FBLN1: variants seen among roughly 807,000 people sequenced by gnomAD.
The protein encoded by FBLN1 is fibulin-1.
FBLN1 carries 34 observed loss-of-function variants against 89.7 expected under a neutral mutation model. The ratio of observed to expected loss-of-function variants is 0.38; its 90% CI spans 0.29 to 0.50. The LOEUF is 0.50. Ranked by LOEUF, FBLN1 falls within the 20% of genes least tolerant of loss-of-function variation. The pLI is 0.92. For synonymous variants in FBLN1, 393 were observed against 391.3 expected, an observed-to-expected ratio of 1.00 and a Z score of -0.05; for missense variants, 777 against 988.1, an observed-to-expected ratio of 0.79 and a Z score of 2.86.
In FBLN1 at chr22:45,600,288, C is replaced by A. The variant is rs1338396886; in HGVS notation, c.1973-19C>A. ...GCAGTCCCTTCTAACTTCCAGCACA[C>A]CTTCTGCTCTCTCCGCAGGTGTCGT... On this transcript the variant is annotated intron_variant, in intron 16 of 16. Coordinates refer to ENST00000327858, the MANE Select transcript of FBLN1 (RefSeq NM_006486.3). 3 of 1,614,102 alleles carry A rather than the reference C, an allele frequency of 1.9e-6. No homozygotes were observed. Among genetic ancestry groups the A allele is most frequent in the African/African-American group, 2.7e-5 (2 of 74,948 alleles).
chr22:45,509,221 G>A (rs2088065986), intron 1 of FBLN1, among the ~76,000 whole-genome samples: 1 of 152,194 alleles, frequency 6.6e-6, no homozygotes. Flanking sequence ...AGGGTGGGAT[G>A]TTGCAGAAGG....
At chr22:45,533,654 G>C in intron 6 of FBLN1, 107 bp from the exon 7 acceptor site, 1 of 1,325,560 alleles carries the variant, frequency 7.5e-7, no homozygotes, top group Non-Finnish European at 1.1e-6. Flanking sequence ...CAGTTTGCGA[G>C]GGTGCAGGGA....
At chr22:45,552,395 C>A (rs891047919) in intron 14 of FBLN1, among the ~76,000 whole-genome samples, 6 of 152,204 alleles carry the variant, frequency 3.9e-5, no homozygotes, top group Non-Finnish European at 7.3e-5. Context: ...GGGCGCCTGG[C>A]TTGTTCCAGC....
rs958319131 is a variant in FBLN1, at chr22:45,590,312, C to A, written c.1973-9995C>A. Among the ~76,000 whole-genome samples the A allele has an allele frequency of 1.3e-5, 2 of 152,226 alleles. No individual in the cohort carries two copies. The highest frequency in any genetic ancestry group is 4.8e-5 in the African/African-American group (2 of 41,456). ...CGGAAGGCAGAGGGCAGGACTTGGCCCCTCTGGTGTGCCCACGTCTTTGAG... is the reference window on the plus strand; with the variant it reads ...CGGAAGGCAGAGGGCAGGACTTGGCACCTCTGGTGTGCCCACGTCTTTGAG... On this transcript the variant is annotated intron_variant, in intron 16 of 16. Coordinates refer to ENST00000327858, the MANE Select transcript of FBLN1 (RefSeq NM_006486.3). This position sits in a 1 kb window ranked among gnomAD's most constrained non-coding sequence, Gnocchi z 4.1.
chr22:45,574,471 C>T lies in FBLN1; in HGVS notation c.1698-40C>T, dbSNP rs2088976377. The T allele has an allele frequency of 1.2e-6, 2 of 1,613,556 alleles. No individual in the cohort carries two copies. The highest frequency in any genetic ancestry group is 8.5e-7 in the Non-Finnish European group (1 of 1,179,842). On this transcript the variant is annotated intron_variant, in intron 14 of 16. Coordinates refer to ENST00000327858, the MANE Select transcript of FBLN1 (RefSeq NM_006486.3). The surrounding 1 kb of genome is among the most constrained non-coding windows in gnomAD (Gnocchi z 4.1). Reference sequence around the variant, plus strand: ...TCGGCCCCTGTGGGAGCTGCTGTCCCAGCTTCCCCGTCAGCCTCGTGTGCT... The same window carrying T: ...TCGGCCCCTGTGGGAGCTGCTGTCCTAGCTTCCCCGTCAGCCTCGTGTGCT...
chr22:45,508,162 C>G (rs979898305), intron 1 of FBLN1, among the ~76,000 whole-genome samples: 3 of 152,068 alleles, frequency 2.0e-5, no homozygotes, highest in Non-Finnish European at 4.4e-5. Flanking sequence ...ACATGGAGGC[C>G]CAGAGAGTCC....
At position 45,576,817 on chromosome 22, in the gene FBLN1, A is replaced by C. The variant is rs1379780130; in HGVS notation, c.1841-160A>C. ...GATATAGGAAGGTCCAGACCCCTCC[A>C]CCCTCCCCACACAGGGGATCTCTGG... On this transcript the variant is annotated intron_variant, in intron 15 of 16. Transcript: ENST00000327858. The surrounding 1 kb of genome is among the most constrained non-coding windows in gnomAD (Gnocchi z 5.2). Among the ~76,000 whole-genome samples, 2 of 151,364 alleles carry C rather than the reference A, an allele frequency of 1.3e-5. No homozygotes were observed. Among genetic ancestry groups the C allele is most frequent in the Non-Finnish European group, 2.9e-5 (2 of 67,848 alleles).
rs778442837 is a variant in FBLN1 at position 45,600,303 on chromosome 22, G to T, written c.1973-4G>T. ...TTCCAGCACACCTTCTGCTCTCTCC[G>T]CAGGTGTCGTGCGCCAGGTGCGGCC... is the stretch of plus-strand genomic sequence containing the variant. On this transcript the variant is annotated splice_polypyrimidine_tract_variant and splice_region_variant and intron_variant, in intron 16 of 16. Coordinates refer to ENST00000327858, the MANE Select transcript of FBLN1 (RefSeq NM_006486.3). The T allele has an allele frequency of 5.0e-6, 8 of 1,614,082 alleles. No homozygotes were observed. The highest frequency in any genetic ancestry group is 1.3e-5 in the African/African-American group (1 of 74,942).
rs1602218603 is a variant in FBLN1 at position 45,572,715 on chromosome 22, G to C, written c.1698-1796G>C. Reference sequence around the variant, plus strand: ...GTCCTCACAGAGACAGCCAGTCACTGTGTGGCTCTCACTGAAGACACACTA... The same window carrying C: ...GTCCTCACAGAGACAGCCAGTCACTCTGTGGCTCTCACTGAAGACACACTA... On this transcript the variant is annotated intron_variant, in intron 14 of 16. Coordinates refer to ENST00000327858, the MANE Select transcript of FBLN1 (RefSeq NM_006486.3). This position sits in a 1 kb window ranked among gnomAD's most constrained non-coding sequence, Gnocchi z 5.8. Among the ~76,000 whole-genome samples the C allele has an allele frequency of 6.6e-6, 1 of 152,340 alleles. No homozygotes were observed. Among genetic ancestry groups the C allele is most frequent in the Non-Finnish European group, 1.5e-5 (1 of 68,036 alleles).
At position 45,587,594 on chromosome 22, in the gene FBLN1, G is replaced by A. The variant is rs181146115; in HGVS notation, c.1972+10486G>A. Among the ~76,000 whole-genome samples the A allele has an allele frequency of 5.0e-3, 756 of 152,066 alleles. 2 individuals are homozygous for A. Among genetic ancestry groups the A allele is most frequent in the Non-Finnish European group, 7.4e-3 (505 of 67,966 alleles). ...TGGGGCTTACCCCTGGGGGCCCAGC[G>A]CTCAGGGATGCGTGGGCTCCAGGCT... On this transcript the variant is annotated intron_variant, in intron 16 of 16. Coordinates refer to ENST00000327858, the MANE Select transcript of FBLN1 (RefSeq NM_006486.3).
chr22:45,558,802 C>A, intron 14 of FBLN1: 1 of 152,362 alleles, frequency 6.6e-6, no homozygotes, highest in Non-Finnish European at 1.5e-5. Flanking sequence ...GGCCCCAAAC[C>A]ACTGGACCCC....
At position 45,574,792 on chromosome 22, in the gene FBLN1, T is replaced by TG. The variant is rs1351817441; in HGVS notation, c.1840+139_1840+140insG. 1 of 814,870 alleles carries TG rather than the reference T, an allele frequency of 1.2e-6. No individual in the cohort carries two copies. Among genetic ancestry groups the TG allele is most frequent in the Admixed American group, 2.9e-5 (1 of 34,510 alleles). 50.5% of individuals were successfully genotyped at this position (814,870 alleles called of 1,614,324 possible). ...GCAGAACTTTCTTTTTTTTTTTTTT[T>TG]TTTTTTTGAGACGGAGTCTCGCTCT... On this transcript the variant is annotated intron_variant, in intron 15 of 16. Transcript: ENST00000327858. The surrounding 1 kb of genome is among the most constrained non-coding windows in gnomAD (Gnocchi z 4.1).
At chr22:45,566,371 G>C (rs115099975) in intron 14 of FBLN1, among the ~76,000 whole-genome samples, 1 of 152,292 alleles carries the variant, frequency 6.6e-6, no homozygotes, top group African/African-American at 2.4e-5. Flanking sequence ...CGACGTTTGC[G>C]TGTGTGCCTG....
At chr22:45,542,313 G>A (rs759279608) in intron 10 of FBLN1, 30 bp downstream of exon 10, 2 of 1,613,020 alleles carry the variant, frequency 1.2e-6, no homozygotes, top group Non-Finnish European at 1.7e-6. Flanking sequence ...GGCCTCGGGG[G>A]AACCCAGCCA....
At chr22:45,525,069 C>T (rs746445830) in intron 2 of FBLN1, among the ~76,000 whole-genome samples, 5 of 145,222 alleles carry the variant, frequency 3.4e-5, no homozygotes, top group Non-Finnish European at 6.0e-5. Context: ...AACTCCATCT[C>T]AAAGAAAGAA....
At chr22:45,524,462 A>G (rs1444015967) in intron 2 of FBLN1, among the ~76,000 whole-genome samples, 7 of 152,326 alleles carry the variant, frequency 4.6e-5, no homozygotes, top group Non-Finnish European at 1.0e-4. Flanking sequence ...GAGCCCCGGC[A>G]GGGCTGGGAG....
intron 16 of FBLN1, among the ~76,000 whole-genome samples, chr22:45,586,175 T>C (rs1883712849): frequency 6.6e-6 from 1 of 152,162 alleles, no homozygotes; most frequent in African/African-American, 2.4e-5. Context: ...ACAGCATTCA[T>C]TCGGAGCTCA....
intron 14 of FBLN1, among the ~76,000 whole-genome samples, chr22:45,555,289 A>G (rs1010144770): frequency 1.8e-4 from 26 of 143,046 alleles, no homozygotes; most frequent in Non-Finnish European, 3.5e-4. Context: ...ATATATATAT[A>G]TAAAATGGAA....
chr22:45,517,422 G>A (rs573441449), intron 1 of FBLN1: 24 of 387,726 alleles, frequency 6.2e-5, no homozygotes, highest in Middle Eastern at 1.8e-3. Context: ...TCTCCCTTCC[G>A]TGAGCTGAGG....
Sources: allele counts gnomAD v4.1 joint callset (sites outside exome capture counted in the v4.1 genomes callset), GRCh38; gene constraint gnomAD v4.1.1; non-coding constraint Gnocchi (gnomAD v3.1); transcripts MANE v1.5; gene names NCBI Gene and HGNC (gene_info 2026-07-23, HGNC 2026-07-21).